The following MARCHF1 variants were observed in gnomAD, a reference collection of about 807,000 sequenced individuals.
MARCHF1 encodes the protein E3 ubiquitin-protein ligase MARCHF1.
Under a neutral mutation model 54.2 loss-of-function variants are expected in MARCHF1, and 40 were observed. The ratio of observed to expected loss-of-function variants is 0.74; its 90% CI spans 0.57 to 0.96. The LOEUF (loss-of-function observed/expected upper bound fraction) is 0.96, where lower values mean the gene tolerates loss of function less well. MARCHF1 is among the 40% of genes least tolerant of loss of function. The pLI is 0.00. For synonymous variants in MARCHF1, 236 were observed against 236.3 expected (o/e 1.00, Z 0.01); for missense variants, 586 against 656.5 (o/e 0.89, Z 1.17).
chr4:164,185,955 G>A (rs764730093), intron 1 of MARCHF1, among the ~76,000 whole-genome samples: 15 of 152,098 alleles, frequency 9.9e-5, no homozygotes, highest in African/African-American at 2.9e-4. Context: ...GTGCAGTGGC[G>A]TGACCTCGGC....
intron 3 of MARCHF1, among the ~76,000 whole-genome samples, chr4:163,959,644 C>G (rs1055608579): frequency 6.6e-6 from 1 of 151,760 alleles, no homozygotes; most frequent in African/African-American, 2.4e-5. Flanking sequence ...CCCTTCCTTA[C>G]GCTATATAAA....
rs566524812 is a variant in MARCHF1 at position 163,917,862 on chromosome 4, C to T, written c.-38-63693G>A. Among the ~76,000 whole-genome samples the T allele has an allele frequency of 9.9e-5, 15 of 152,254 alleles. No homozygotes were observed. The South Asian group carries it at 3.1e-3, about 32-fold the overall frequency. ...TCCCACTTTTTAGGTTGCCTGTTGG[C>T]TCTGATGAAAGTTTCTTTTGCTGTG... On this transcript the variant is annotated intron_variant, in intron 3 of 9. Coordinates refer to ENST00000514618, the MANE Select transcript of MARCHF1 (RefSeq NM_001394959.1).
intron 8 of MARCHF1, among the ~76,000 whole-genome samples, chr4:163,570,573 G>T (rs941912649): frequency 6.6e-6 from 1 of 151,928 alleles, no homozygotes; most frequent in African/African-American, 2.4e-5. Flanking sequence ...GTATTTTACC[G>T]TATCCCATTA....
intron 3 of MARCHF1, among the ~76,000 whole-genome samples, chr4:163,973,261 T>C (rs1054368009): frequency 6.6e-6 from 1 of 152,208 alleles, no homozygotes; most frequent in Non-Finnish European, 1.5e-5. Context: ...CATGATACTT[T>C]TGGGTTATTT....
At chr4:164,133,187 G>A (rs566488491) in intron 1 of MARCHF1, among the ~76,000 whole-genome samples, 7 of 152,208 alleles carry the variant, frequency 4.6e-5, no homozygotes, top group Admixed American at 3.9e-4. Context: ...AGGATAACTC[G>A]GCAGAATGCG....
intron 3 of MARCHF1, among the ~76,000 whole-genome samples, chr4:163,928,568 A>G (rs1481427575): frequency 6.6e-6 from 1 of 152,024 alleles, no homozygotes; most frequent in African/African-American, 2.4e-5. Context: ...CTGCATTATC[A>G]CAATGACAGA....
chr4:164,068,089 T>C (rs1254116145), intron 2 of MARCHF1, among the ~76,000 whole-genome samples: 5 of 152,224 alleles, frequency 3.3e-5, no homozygotes. Context: ...AGTGACGTTG[T>C]GGAGAAGAGG....
intron 8 of MARCHF1, among the ~76,000 whole-genome samples, chr4:163,553,681 A>G (rs1739191351): frequency 6.6e-6 from 1 of 152,200 alleles, no homozygotes; most frequent in Non-Finnish European, 1.5e-5. Flanking sequence ...TCAAAATGGT[A>G]TCTTAAGGTT....
chr4:164,152,867 T>C (rs1220420873), intron 1 of MARCHF1, among the ~76,000 whole-genome samples: 2 of 152,140 alleles, frequency 1.3e-5, no homozygotes, highest in African/African-American at 4.8e-5. Flanking sequence ...AATTTACCTA[T>C]AGCCTGGAAG....
chr4:164,221,476 G>A (rs567264315), intron 1 of MARCHF1, among the ~76,000 whole-genome samples: 11 of 151,934 alleles, frequency 7.2e-5, no homozygotes, highest in Admixed American at 2.0e-4. Context: ...AAAAATTAAC[G>A]AATTCCCTAC....
intron 4 of MARCHF1, among the ~76,000 whole-genome samples, chr4:163,791,716 TG>T: frequency 6.6e-6 from 1 of 152,310 alleles, no homozygotes; most frequent in East Asian, 1.9e-4. Flanking sequence ...ATCTTCAGTT[TG>T]TTTCCTTCAC....
chr4:164,358,899 G>T (rs1452798771), intron 1 of MARCHF1, among the ~76,000 whole-genome samples: 1 of 151,990 alleles, frequency 6.6e-6, no homozygotes, highest in Non-Finnish European at 1.5e-5. Flanking sequence ...AATGTTAAAA[G>T]ACGCTCCAAA....
chr4:164,199,311 T>G (rs1358379186), intron 1 of MARCHF1, among the ~76,000 whole-genome samples: 1 of 152,194 alleles, frequency 6.6e-6, no homozygotes, highest in Non-Finnish European at 1.5e-5. Flanking sequence ...TATCTTGTTT[T>G]GCTTCCCACA....
rs556373883 is a variant in MARCHF1 at position 163,682,267 on chromosome 4, A to G, written c.162+18546T>C. Among the ~76,000 whole-genome samples, 7 of 152,332 alleles carry G rather than the reference A, an allele frequency of 4.6e-5. No homozygotes were observed. In the South Asian group the frequency reaches 1.4e-3, roughly 32 times the overall value. On this transcript the variant is annotated intron_variant, in intron 5 of 9. Coordinates refer to ENST00000514618, the MANE Select transcript of MARCHF1 (RefSeq NM_001394959.1). ...TATTCGAGAGGAAACAGAGCATGAA[A>G]GTTTGGAAAATTTGCAGCCTGACAA...
chr4:164,342,147 C>T (rs941191457), intron 1 of MARCHF1, among the ~76,000 whole-genome samples: 1 of 151,946 alleles, frequency 6.6e-6, no homozygotes, highest in African/African-American at 2.4e-5. Flanking sequence ...GGACAAAAGA[C>T]GAGAATAAAC....
At chr4:163,583,304 A>G (rs993212428) in intron 8 of MARCHF1, among the ~76,000 whole-genome samples, 1 of 152,234 alleles carries the variant, frequency 6.6e-6, no homozygotes, top group African/African-American at 2.4e-5. Context: ...GGAGTTGCAC[A>G]TGAAATAATT....
chr4:163,742,397 CCCTTCCTTCCTTCCTT>C (rs201806407), intron 4 of MARCHF1, among the ~76,000 whole-genome samples: 17 of 91,296 alleles, frequency 1.9e-4, no homozygotes, highest in African/African-American at 6.0e-4. Flanking sequence ...CTTCCTTCCT[CCCTTCCTTCCTTCCTT>C]CCTTCCTTCC....
chr4:163,900,177 C>T (rs1750907599), intron 3 of MARCHF1, among the ~76,000 whole-genome samples: 1 of 151,932 alleles, frequency 6.6e-6, no homozygotes, highest in South Asian at 2.1e-4. Context: ...AAGTTTTGTT[C>T]CCTGAAAAAT....
At position 164,154,022 on chromosome 4, in the gene MARCHF1, C is replaced by T. The variant is rs549306362; in HGVS notation, c.-322-42360G>A. Among the ~76,000 whole-genome samples the T allele has an allele frequency of 1.1e-4, 17 of 152,178 alleles. No individual in the cohort carries two copies. In the South Asian group the frequency reaches 2.1e-3, roughly 19 times the overall value. On this transcript the variant is annotated intron_variant, in intron 1 of 9. Transcript: ENST00000514618. ...GTCTTTTCTGCCACTCAAGAGCTAG[C>T]CTAAATGTAAACTGGGTACATTGCA...
Sources: allele counts gnomAD v4.1 joint callset (sites outside exome capture counted in the v4.1 genomes callset), GRCh38; gene constraint gnomAD v4.1.1; transcripts MANE v1.5; gene names NCBI Gene and HGNC (gene_info 2026-07-23, HGNC 2026-07-21).